The following VWC2 variants were observed in gnomAD, a reference collection of about 807,000 sequenced individuals.
VWC2 encodes the protein von Willebrand factor C domain containing 2.
Under a neutral mutation model 29.8 loss-of-function variants are expected in VWC2, and 14 were observed. The ratio of observed to expected loss-of-function variants is 0.47; its 90% confidence interval spans 0.31 to 0.74. VWC2 has a LOEUF of 0.74. Ranked by LOEUF, VWC2 falls within the 30% of genes least tolerant of loss-of-function variation. VWC2 has a pLI of 0.05. For synonymous variants in VWC2, 213 were observed against 199.0 expected, an observed-to-expected ratio of 1.07 and a Z score of -0.59; for missense variants, 457 against 459.8, an observed-to-expected ratio of 0.99 and a Z score of 0.05.
chr7:49,777,234 T>TAAAG (rs1213243640), intron 2 of VWC2, among the ~76,000 whole-genome samples: 3 of 152,230 alleles, frequency 2.0e-5, no homozygotes, highest in African/African-American at 7.2e-5. Flanking sequence ...GTGCAGCTAC[T>TAAAG]AAAGCAAAGG....
chr7:49,845,482 TA>T (rs1279538469), intron 3 of VWC2, among the ~76,000 whole-genome samples: 1 of 152,078 alleles, frequency 6.6e-6, no homozygotes, highest in Non-Finnish European at 1.5e-5. Flanking sequence ...AGTTCAACTG[TA>T]AAAAACACTG....
At chr7:49,796,591 T>C (rs1057447165) in intron 2 of VWC2, among the ~76,000 whole-genome samples, 1 of 152,208 alleles carries the variant, frequency 6.6e-6, no homozygotes, top group African/African-American at 2.4e-5. Flanking sequence ...ATGGTGAGGG[T>C]TGCTGCTGTT....
intron 3 of VWC2, among the ~76,000 whole-genome samples, chr7:49,820,334 A>T (rs1408275446): frequency 6.6e-6 from 1 of 152,148 alleles, no homozygotes; most frequent in African/African-American, 2.4e-5. Context: ...AAAATACACC[A>T]TCAGAATAAT....
At chr7:49,904,471 T>C (rs1017185265) in intron 3 of VWC2, among the ~76,000 whole-genome samples, 1 of 152,206 alleles carries the variant, frequency 6.6e-6, no homozygotes, top group Non-Finnish European at 1.5e-5. Context: ...TGCATGTAGA[T>C]ACACATGTTT....
intron 3 of VWC2, among the ~76,000 whole-genome samples, chr7:49,903,143 T>G (rs959898297): frequency 6.6e-6 from 1 of 152,192 alleles, no homozygotes; most frequent in African/African-American, 2.4e-5. Context: ...TAAACTGGAT[T>G]CGTGGTTGGA....
chr7:49,908,723 T>C (rs892073739), intron 3 of VWC2, among the ~76,000 whole-genome samples: 2 of 152,094 alleles, frequency 1.3e-5, no homozygotes, highest in African/African-American at 4.8e-5. Context: ...CAAGATCAGC[T>C]GAAGATATCT....
chr7:49,783,781 G>A (rs188187846), intron 2 of VWC2, among the ~76,000 whole-genome samples: 2 of 152,312 alleles, frequency 1.3e-5, no homozygotes, highest in East Asian at 1.9e-4. Context: ...CAGGCACAGT[G>A]GCTCATGCCT....
rs534949863 is a variant in VWC2 at position 49,920,183 on chromosome 7, G to A, written c.*7998G>A. On this transcript the variant is annotated 3_prime_UTR_variant, in exon 4 of 4. Coordinates refer to ENST00000340652, the MANE Select transcript of VWC2 (RefSeq NM_198570.5). Reference sequence around the variant, plus strand: ...GCAATATAGAGCAAAACAGAGGTTTGTCTGAAACATTTAAAATATTAAGAA... The same window carrying A: ...GCAATATAGAGCAAAACAGAGGTTTATCTGAAACATTTAAAATATTAAGAA... 108 of 152,174 alleles carry A rather than the reference G, an allele frequency of 7.1e-4. No individual in the cohort carries two copies. The highest frequency in any genetic ancestry group is 2.5e-3 in the African/African-American group (103 of 41,524). The allele number at this position is 152,174 out of a possible 1,614,324, so 9.4% of individuals were successfully genotyped here.
intron 3 of VWC2, among the ~76,000 whole-genome samples, chr7:49,905,550 GTTTTA>G (rs1256992404): frequency 6.6e-6 from 1 of 152,162 alleles, no homozygotes; most frequent in African/African-American, 2.4e-5. Context: ...TTAAAAAAGA[GTTTTA>G]TTTATTTGTG....
intron 2 of VWC2, among the ~76,000 whole-genome samples, chr7:49,780,325 C>G (rs992158607): frequency 6.6e-6 from 1 of 152,086 alleles, no homozygotes; most frequent in South Asian, 2.1e-4. Context: ...TAAAAGGTGA[C>G]TAAGGGTAGG....
chr7:49,789,266 TGAGC>T (rs1292885843), intron 2 of VWC2, among the ~76,000 whole-genome samples: 1 of 142,734 alleles, frequency 7.0e-6, no homozygotes, highest in Non-Finnish European at 1.5e-5. Context: ...TGGGTGTGTG[TGAGC>T]GGGTGTGTGT....
rs1226229022 is a variant in VWC2, at chr7:49,919,884, T to A, written c.*7699T>A. On this transcript the variant is annotated 3_prime_UTR_variant, in exon 4 of 4. Coordinates refer to ENST00000340652, the MANE Select transcript of VWC2 (RefSeq NM_198570.5). ...ATAAAGGAGCTTGATACAAAAATCA[T>A]TATGTTCTATATATGTTTTTGTAGG... 6.6e-6 allele frequency: 1 copy of A among 152,206 alleles called. No individual in the cohort carries two copies. Among genetic ancestry groups the A allele is most frequent in the East Asian group, 1.9e-4 (1 of 5,202 alleles). The allele number at this position is 152,206 out of a possible 1,614,324, so 9.4% of individuals were successfully genotyped here. A position where few individuals can be genotyped will look rare whatever the true frequency, so the allele number is the denominator to read the frequency against.
At chr7:49,878,577 C>T (rs1791542608) in intron 3 of VWC2, among the ~76,000 whole-genome samples, 1 of 152,072 alleles carries the variant, frequency 6.6e-6, no homozygotes, top group South Asian at 2.1e-4. Context: ...CTACTTTTTG[C>T]TCCTTTGTTT....
downstream of VWC2, chr7:49,921,989 C>T (rs960777424): frequency 6.6e-6 from 1 of 151,918 alleles, no homozygotes; most frequent in South Asian, 2.1e-4. Context: ...TAAGATAATC[C>T]TTTGAAATAT....
At chr7:49,851,037 T>C (rs995351495) in intron 3 of VWC2, among the ~76,000 whole-genome samples, 2 of 152,156 alleles carry the variant, frequency 1.3e-5, no homozygotes, top group East Asian at 1.9e-4. Context: ...AAGTCTAAAG[T>C]AGATCAAGGT....
intron 3 of VWC2, among the ~76,000 whole-genome samples, chr7:49,895,760 A>G (rs888990496): frequency 3.3e-5 from 5 of 152,116 alleles, no homozygotes; most frequent in African/African-American, 1.2e-4. Flanking sequence ...TAGCATATAA[A>G]TATAAAAATT....
At chr7:49,847,328 T>G (rs1475479790) in intron 3 of VWC2, among the ~76,000 whole-genome samples, 1 of 151,998 alleles carries the variant, frequency 6.6e-6, no homozygotes, top group East Asian at 1.9e-4. Context: ...AATCCTCTAT[T>G]TCTGAATACT....
intron 3 of VWC2, among the ~76,000 whole-genome samples, chr7:49,851,719 G>C (rs576915470): frequency 6.6e-6 from 1 of 152,158 alleles, no homozygotes; most frequent in African/African-American, 2.4e-5. Flanking sequence ...TTAGCTGGGC[G>C]TGCTGGCACA....
intron 3 of VWC2, among the ~76,000 whole-genome samples, chr7:49,838,239 C>T (rs78275826): frequency 0.014 from 2,206 of 152,288 alleles, 35 homozygotes; most frequent in African/African-American, 0.036. Flanking sequence ...AGCACACAAC[C>T]GTAAAAGGCA....
Sources: allele counts gnomAD v4.1 joint callset (sites outside exome capture counted in the v4.1 genomes callset), GRCh38; gene constraint gnomAD v4.1.1; transcripts MANE v1.5; gene names NCBI Gene and HGNC (gene_info 2026-07-23, HGNC 2026-07-21).